Variants in CNTNAP2 observed in about 807,000 individuals in gnomAD.
CNTNAP2 encodes contactin-associated protein-like 2.
In CNTNAP2, 98 loss-of-function variants were observed where a neutral mutation model predicts 155.2. That is an observed-to-expected ratio of 0.63 (90% confidence interval 0.54 to 0.75). The LOEUF (loss-of-function observed/expected upper bound fraction) is 0.75. CNTNAP2 is among the 30% of genes least tolerant of loss of function. CNTNAP2 has a pLI of 0.00. For missense variants in CNTNAP2, 1,727 were observed against 1,688.1 expected (o/e 1.02, Z -0.40); for synonymous variants, 651 against 631.2 (o/e 1.03, Z -0.47).
chr7:146,489,079 T>G (rs2129130719), intron 1 of CNTNAP2, among the ~76,000 whole-genome samples: 1 of 152,330 alleles, frequency 6.6e-6, no homozygotes, highest in East Asian at 1.9e-4. Flanking sequence ...TACCACCCAT[T>G]TTTCAGCAGT....
chr7:148,025,512 GTTCT>G (rs1208785172), intron 15 of CNTNAP2, among the ~76,000 whole-genome samples: 2 of 152,130 alleles, frequency 1.3e-5, no homozygotes, highest in Admixed American at 6.5e-5. Flanking sequence ...CAATAATTAA[GTTCT>G]TTCTTTGCTG....
chr7:147,737,410 G>A (rs770146525), intron 13 of CNTNAP2, among the ~76,000 whole-genome samples: 9 of 152,106 alleles, frequency 5.9e-5, no homozygotes, highest in African/African-American at 1.2e-4. Context: ...GTACCCGGCC[G>A]GGTGAGGTGT....
At chr7:147,005,547 GC>G (rs1798509927) in intron 3 of CNTNAP2, among the ~76,000 whole-genome samples, 1 of 151,976 alleles carries the variant, frequency 6.6e-6, no homozygotes, top group South Asian at 2.1e-4. Context: ...CAAAGACATG[GC>G]TTAGAGATTA....
chr7:148,058,677 C>A (rs896018488), intron 15 of CNTNAP2, among the ~76,000 whole-genome samples: 1 of 152,072 alleles, frequency 6.6e-6, no homozygotes, highest in Non-Finnish European at 1.5e-5. Context: ...TGCAGAGGGG[C>A]TGGCAGATGT....
At chr7:147,745,966 G>A (rs1797035450) in intron 13 of CNTNAP2, among the ~76,000 whole-genome samples, 1 of 152,128 alleles carries the variant, frequency 6.6e-6, no homozygotes, top group Non-Finnish European at 1.5e-5. Flanking sequence ...CTTTTTCATG[G>A]GGTGTAATCT....
intron 4 of CNTNAP2, among the ~76,000 whole-genome samples, chr7:147,100,069 T>A (rs1344385001): frequency 6.6e-6 from 1 of 152,132 alleles, no homozygotes; most frequent in Non-Finnish European, 1.5e-5. Flanking sequence ...TCTGATATCT[T>A]GTGGGTAATG....
intron 20 of CNTNAP2, among the ~76,000 whole-genome samples, chr7:148,236,347 A>C (rs1482293961): frequency 6.6e-6 from 1 of 152,190 alleles, no homozygotes; most frequent in Non-Finnish European, 1.5e-5. Flanking sequence ...TGCTAAACAG[A>C]AATCTTACTG....
intron 13 of CNTNAP2, among the ~76,000 whole-genome samples, chr7:147,644,450 G>A (rs538269095): frequency 7.2e-5 from 11 of 152,152 alleles, no homozygotes; most frequent in Non-Finnish European, 1.0e-4. Context: ...GTGAAAACCC[G>A]TCTCTACTAA....
intron 12 of CNTNAP2, among the ~76,000 whole-genome samples, chr7:147,592,735 C>A (rs1034328810): frequency 1.8e-4 from 28 of 152,238 alleles, no homozygotes; most frequent in African/African-American, 6.5e-4. Flanking sequence ...AAATGCATAA[C>A]AAGGCATAGA....
chr7:148,006,744 T>A (rs951330759), intron 15 of CNTNAP2, among the ~76,000 whole-genome samples: 1 of 151,872 alleles, frequency 6.6e-6, no homozygotes, highest in African/African-American at 2.4e-5. Flanking sequence ...TGTTTTAGCA[T>A]GTGCTCAGAG....
At chr7:146,125,718 A>C (rs1441008694) in intron 1 of CNTNAP2, among the ~76,000 whole-genome samples, 1 of 152,150 alleles carries the variant, frequency 6.6e-6, no homozygotes, top group African/African-American at 2.4e-5. Flanking sequence ...AAACAAAAAC[A>C]ACCTTATTCC....
chr7:146,722,699 A>G (rs1271811417), intron 1 of CNTNAP2, among the ~76,000 whole-genome samples: 3 of 149,776 alleles, frequency 2.0e-5, no homozygotes, highest in Non-Finnish European at 4.4e-5. Context: ...AATTGCGTCC[A>G]CACACACACA....
chr7:147,656,232 T>G (rs1795523543), intron 13 of CNTNAP2, among the ~76,000 whole-genome samples: 1 of 152,244 alleles, frequency 6.6e-6, no homozygotes, highest in African/African-American at 2.4e-5. Context: ...GCAATAAAGC[T>G]GTTTCACTTT....
chr7:147,973,160 T>TTAA (rs1316701536), intron 14 of CNTNAP2, among the ~76,000 whole-genome samples: 3 of 120,856 alleles, frequency 2.5e-5, no homozygotes, highest in African/African-American at 6.9e-5. Context: ...TCTCTAAAAT[T>TTAA]AAAAAAAAAA....
chr7:146,486,512 A>G (rs770397097), intron 1 of CNTNAP2, among the ~76,000 whole-genome samples: 6 of 152,188 alleles, frequency 3.9e-5, no homozygotes, highest in Non-Finnish European at 8.8e-5. Context: ...AGAGTCTGGA[A>G]GAAGGGATTA....
chr7:147,611,957 T>C (rs1159381614), intron 12 of CNTNAP2, among the ~76,000 whole-genome samples: 2 of 152,336 alleles, frequency 1.3e-5, no homozygotes, highest in Non-Finnish European at 1.5e-5. Context: ...TAATAAGTTA[T>C]GTCAGGGAGA....
intron 1 of CNTNAP2, among the ~76,000 whole-genome samples, chr7:146,449,753 G>A: frequency 6.6e-6 from 1 of 152,086 alleles, no homozygotes; most frequent in East Asian, 1.9e-4. Flanking sequence ...ATATTAAACT[G>A]GTTGATATGC....
At chr7:148,008,712 G>C (rs1215334886) in intron 15 of CNTNAP2, among the ~76,000 whole-genome samples, 2 of 152,214 alleles carry the variant, frequency 1.3e-5, no homozygotes, top group African/African-American at 4.8e-5. Context: ...TTTAACCTGA[G>C]TTCCTCTGGC....
rs924347251 is a variant in CNTNAP2, at chr7:146,414,657, A to G, written c.97+297684A>G. On this transcript the variant is annotated intron_variant, in intron 1 of 23. Coordinates refer to ENST00000361727, the MANE Select transcript of CNTNAP2 (RefSeq NM_014141.6). The stretch of plus-strand genomic sequence containing the variant: ...AAGGGGTGACTGAAGGGGTTTGGAA[A>G]AAGACTAGGTTGGGGGTCAGTTGTG... Among the ~76,000 whole-genome samples the G allele has an allele frequency of 6.6e-5, 10 of 152,200 alleles. No individual in the cohort carries two copies. The South Asian group carries it at 2.1e-3, about 32-fold the overall frequency.
Sources: gnomAD v4.1 joint callset for allele counts (sites outside exome capture counted in the v4.1 genomes callset) on GRCh38, gnomAD v4.1.1 for gene constraint, MANE v1.5 for transcripts, NCBI Gene and HGNC (gene_info 2026-07-23, HGNC 2026-07-21) for gene names.